The following NUP85 variants were observed in gnomAD, a reference collection of about 807,000 sequenced individuals.
The protein encoded by NUP85 is nucleoporin 85.
A neutral mutation model predicts 92.8 loss-of-function variants in NUP85; 23 were observed. The ratio of observed to expected loss-of-function variants is 0.25; its 90% CI spans 0.18 to 0.35. The LOEUF is 0.35. Ranked by LOEUF, NUP85 falls within the 10% of genes least tolerant of loss-of-function variation. The pLI is 1.00. For synonymous variants in NUP85, 314 were observed against 306.9 expected, an observed-to-expected ratio of 1.02 and a Z score of -0.24; for missense variants, 759 against 822.8, an observed-to-expected ratio of 0.92 and a Z score of 0.95.
chr17:75,208,405 ACTGTACACCAGC>A, intron 1 of NUP85, 110 bp from the exon 2 acceptor site: 1 of 699,868 alleles, frequency 1.4e-6, no homozygotes, highest in Non-Finnish European at 2.5e-6. Flanking sequence ...AGATTACACC[ACTGTACACCAGC>A]CTGTTAGAGT....
intron 14 of NUP85, 95 bp from the exon 15 acceptor site, chr17:75,232,756 A>G (rs1023897572): frequency 2.6e-5 from 27 of 1,033,126 alleles, no homozygotes; most frequent in Non-Finnish European, 3.9e-5. Flanking sequence ...TCTGCGGTGG[A>G]GTGAGGCTGT....
intron 16 of NUP85, 142 bp from the exon 17 acceptor site, chr17:75,234,495 G>A (rs1412148433): frequency 9.1e-6 from 7 of 771,486 alleles, no homozygotes; most frequent in African/African-American, 6.9e-5. Context: ...TGAGTTTGGA[G>A]ACAGAAAAAA....
intron 6 of NUP85, among the ~76,000 whole-genome samples, chr17:75,217,216 C>T (rs1379276596): frequency 8.6e-5 from 13 of 151,972 alleles, no homozygotes; most frequent in Admixed American, 7.9e-4. Context: ...TGCACCACCA[C>T]GCCCGGCTAA....
At chr17:75,211,731 G>A (rs114675544) in intron 3 of NUP85, among the ~76,000 whole-genome samples, 1 of 151,998 alleles carries the variant, frequency 6.6e-6, no homozygotes, top group African/African-American at 2.4e-5. Flanking sequence ...TTATTTTTTT[G>A]AGACAAGGTC....
At chr17:75,212,942 A>G (rs1299956656) in intron 4 of NUP85, 134 bp from the exon 5 acceptor site, 7 of 879,172 alleles carry the variant, frequency 8.0e-6, no homozygotes, top group Non-Finnish European at 1.2e-5. Flanking sequence ...TCCATAATTA[A>G]AAGAGATTAT....
rs1025455818 is a variant in NUP85 at position 75,208,377 on chromosome 17, G to A, written c.34-150G>A. 3.8e-5 allele frequency: 24 copies of A among 638,098 alleles called. 1 individual carries two copies. Among genetic ancestry groups the A allele is most frequent in the South Asian group, 7.8e-5 (4 of 51,190 alleles). The allele number at this position is 638,098 out of a possible 1,614,324, so 39.5% of individuals were successfully genotyped here. A position where few individuals can be genotyped will look rare whatever the true frequency, so the allele number is the denominator to read the frequency against. ...GGAGAAGCCTTTGAACCCAGGAGGC[G>A]GCGATTGGAGCAAGCTGAGATTACA... On this transcript the variant is annotated intron_variant, in intron 1 of 18. Coordinates refer to ENST00000245544, the MANE Select transcript of NUP85 (RefSeq NM_024844.5).
At chr17:75,213,999 G>A (rs749288301) in intron 5 of NUP85, among the ~76,000 whole-genome samples, 2 of 150,900 alleles carry the variant, frequency 1.3e-5, no homozygotes, top group Non-Finnish European at 2.9e-5. Flanking sequence ...AGCCTCCCGA[G>A]TAGCTGGGCT....
At chr17:75,214,549 CT>C (rs1271184879) in intron 5 of NUP85, among the ~76,000 whole-genome samples, 5 of 152,302 alleles carry the variant, frequency 3.3e-5, no homozygotes, top group Middle Eastern at 3.4e-3. Flanking sequence ...AATGAAGCAC[CT>C]TGCTAAAGCA....
Position 75,212,228 on chromosome 17 carries a change from GGTTTTTTTTTTTGTTGTTGTTTTTTTTTT to G in NUP85, c.361+167_361+195del, listed in dbSNP as rs2075288984. Reference sequence around the variant, plus strand: ...CTTACTTTTTTGGTAATCATTTAGAGGTTTTTTTTTTTGTTGTTGTTTTTTTTTTTTTTTTTTTTTTTTTTTTTTTTTTT... The same window carrying G: ...CTTACTTTTTTGGTAATCATTTAGAGTTTTTTTTTTTTTTTTTTTTTTTTT... On this transcript the variant is annotated intron_variant, in intron 4 of 18. Transcript: ENST00000245544. Among the ~76,000 whole-genome samples the G allele has an allele frequency of 2.1e-4, 18 of 84,540 alleles. 3 individuals are homozygous for G. Among genetic ancestry groups the G allele is most frequent in the Admixed American group, 4.3e-4 (3 of 6,934 alleles). The allele number at this position is 84,540 out of a possible 152,430, so 55.5% of individuals were successfully genotyped here.
intron 4 of NUP85, among the ~76,000 whole-genome samples, 185 bp downstream of exon 4, chr17:75,212,247 G>GTTTTTTTTTGTTTTTTTTTTTTTTTTTTT (rs2075294230): frequency 2.7e-4 from 1 of 3,670 alleles, no homozygotes; most frequent in Non-Finnish European, 4.1e-3. Context: ...TTTTGTTGTT[G>GTTTTTTTTTGTTTTTTTTTTTTTTTTTTT]TTTTTTTTTT....
chr17:75,210,767 T>G (rs1008200383), intron 3 of NUP85, among the ~76,000 whole-genome samples: 1 of 152,120 alleles, frequency 6.6e-6, no homozygotes, highest in Non-Finnish European at 1.5e-5. Context: ...AGTGACGCGT[T>G]CTCCGCTCAC....
intron 4 of NUP85, among the ~76,000 whole-genome samples, chr17:75,212,735 G>A (rs2075314288): frequency 6.6e-6 from 1 of 151,828 alleles, no homozygotes; most frequent in Non-Finnish European, 1.5e-5. Context: ...TTTCCAGGCT[G>A]TTCTTGAACT....
chr17:75,232,012 T>G, intron 14 of NUP85, 33 bp downstream of exon 14: 1 of 1,611,618 alleles, frequency 6.2e-7, no homozygotes, highest in Non-Finnish European at 8.5e-7. Context: ...CTACTGTCTG[T>G]GGGACGCAGG....
At chr17:75,206,516 T>TA (rs1459171369) in intron 1 of NUP85, among the ~76,000 whole-genome samples, 1 of 151,842 alleles carries the variant, frequency 6.6e-6, no homozygotes, top group Non-Finnish European at 1.5e-5. Flanking sequence ...CATCACTAGT[T>TA]AAAGAGGAAG....
intron 5 of NUP85, among the ~76,000 whole-genome samples, chr17:75,214,796 G>A (rs2145296160): frequency 6.6e-6 from 1 of 152,020 alleles, no homozygotes; most frequent in East Asian, 1.9e-4. Flanking sequence ...GGCAGAGGTT[G>A]CAGTGAGCCG....
Position 75,209,510 on chromosome 17 carries a change from C to A in NUP85, c.128-313C>A, listed in dbSNP as rs538529186. 3.3e-3 allele frequency among the ~76,000 whole-genome samples: 459 copies of A among 140,336 alleles called. 2 individuals carry two copies. Among genetic ancestry groups the A allele is most frequent in the Middle Eastern group, 0.016 (4 of 248 alleles). The allele number at this position is 140,336 out of a possible 152,430, so 92.1% of individuals were successfully genotyped here. ...CCAGGCTGGAATGCAGTGGTGTGAT[C>A]TCGGCTCACTGCCACCTCCGCCTCC... On this transcript the variant is annotated intron_variant, in intron 2 of 18. Transcript: ENST00000245544.
intron 18 of NUP85, 119 bp from the exon 19 acceptor site, chr17:75,235,459 T>C (rs1568100157): frequency 1.4e-6 from 1 of 697,640 alleles, no homozygotes. Flanking sequence ...ACATCGATAA[T>C]TTGCTGGAAG....
At chr17:75,234,525 G>C (rs2076246911) in intron 16 of NUP85, 112 bp from the exon 17 acceptor site, 1 of 995,530 alleles carries the variant, frequency 1.0e-6, no homozygotes, top group Non-Finnish European at 1.5e-6. Flanking sequence ...TTTGTGGAGT[G>C]GCTGGTCTGA....
rs756770066 is a variant in NUP85 at position 75,229,095 on chromosome 17, G to T, written c.1095-2245G>T. On this transcript the variant is annotated intron_variant, in intron 11 of 18. Coordinates refer to ENST00000245544, the MANE Select transcript of NUP85 (RefSeq NM_024844.5). ...TGGGCAAGATGTCGGCAGTTTCCTG[G>T]TGCCCTTCAAGTCCTCCAAAAGTAT... 7.5e-5 allele frequency: 74 copies of T among 985,334 alleles called. 1 individual carries two copies. Among genetic ancestry groups the T allele is most frequent in the Admixed American group, 1.2e-4 (2 of 16,260 alleles). The allele number at this position is 985,334 out of a possible 1,614,324, so 61.0% of individuals were successfully genotyped here.
Sources: allele counts gnomAD v4.1 joint callset (sites outside exome capture counted in the v4.1 genomes callset), GRCh38; gene constraint gnomAD v4.1.1; transcripts MANE v1.5; gene names NCBI Gene and HGNC (gene_info 2026-07-23, HGNC 2026-07-21).